The following GLI3 variants were observed in gnomAD, a reference collection of about 807,000 sequenced individuals.
The protein encoded by GLI3 is GLI family zinc finger 3.
In GLI3, 20 loss-of-function variants were observed where a neutral mutation model predicts 100.8. The ratio of observed to expected loss-of-function variants is 0.20; its 90% CI spans 0.14 to 0.29. The LOEUF is 0.29. GLI3 is among the 10% of genes least tolerant of loss of function. The probability of loss-of-function intolerance (pLI) is 1.00; values close to 1 mark genes in which losing one functional copy is unlikely to be tolerated. For missense variants in GLI3, 2,040 were observed against 2,128.5 expected, an observed-to-expected ratio of 0.96 and a Z score of 0.82; for synonymous variants, 938 against 860.5, an observed-to-expected ratio of 1.09 and a Z score of -1.58.
At chr7:42,258,715 C>G (rs1313809961) in intron 1 of GLI3, among the ~76,000 whole-genome samples, 1 of 152,166 alleles carries the variant, frequency 6.6e-6, no homozygotes, top group Non-Finnish European at 1.5e-5. Flanking sequence ...CCTCACATGA[C>G]AGAATGGGTG....
intron 7 of GLI3, among the ~76,000 whole-genome samples, chr7:42,031,208 GT>G: frequency 6.6e-6 from 1 of 152,150 alleles, no homozygotes; most frequent in East Asian, 1.9e-4. Context: ...CAATTAATCT[GT>G]TATTATTTCT....
intron 2 of GLI3, among the ~76,000 whole-genome samples, chr7:42,167,389 G>T (rs558189137): frequency 6.6e-6 from 1 of 152,102 alleles, no homozygotes; most frequent in African/African-American, 2.4e-5. Context: ...TTAATATTTA[G>T]CCCATGCATA....
chr7:42,232,257 G>A (rs531110551), intron 1 of GLI3, among the ~76,000 whole-genome samples: 14 of 152,196 alleles, frequency 9.2e-5, no homozygotes, highest in Non-Finnish European at 1.8e-4. Flanking sequence ...ATGCCAACAC[G>A]GCCCTTAAGA....
intron 3 of GLI3, among the ~76,000 whole-genome samples, chr7:42,108,313 A>C (rs1228120001): frequency 6.6e-6 from 1 of 152,216 alleles, no homozygotes; most frequent in Non-Finnish European, 1.5e-5. Flanking sequence ...AATCCTGATA[A>C]ATTAAAAATG....
chr7:42,144,374 G>A (rs536528653), intron 3 of GLI3, among the ~76,000 whole-genome samples: 51 of 152,106 alleles, frequency 3.4e-4, no homozygotes, highest in African/African-American at 1.2e-3. Context: ...TCAACACCAC[G>A]CCATGTCTGA....
At chr7:42,044,454 G>A (rs547445887) in intron 6 of GLI3, among the ~76,000 whole-genome samples, 44 of 152,220 alleles carry the variant, frequency 2.9e-4, no homozygotes, top group Non-Finnish European at 5.7e-4. Flanking sequence ...TTGTCTATGC[G>A]TCTACATAAG....
chr7:42,040,203 G>C lies in GLI3; in HGVS notation c.863C>G (p.Pro288Arg). Residue 288 changes from proline (P) to arginine (R), a missense_variant, in exon 7 of 15, where the codon CCG (proline) becomes CGG (arginine). Pro to Arg is a moderately radical substitution (Grantham distance 103, BLOSUM62 -2). Around this residue, in one of 5 missense-constraint regions of GLI3, gnomAD observed 603 missense variants for 690.9 expected, o/e 0.87. Transcript: ENST00000395925. Reference sequence around the variant, plus strand: ...TATGGACAGTGTACGTTTTCGGCTCGGCCTGGCTGACAGCCTGGGGCTGGA... The same window carrying C: ...TATGGACAGTGTACGTTTTCGGCTCCGCCTGGCTGACAGCCTGGGGCTGGA... ...RFSSPRLSARPSRKRTLSISP... is the reference protein window; with the variant it reads ...RFSSPRLSARRSRKRTLSISP... 6.2e-7 allele frequency: 1 copy of C among 1,613,880 alleles called. No individual in the cohort carries two copies. The highest frequency in any genetic ancestry group is 1.1e-5 in the South Asian group (1 of 91,072).
intron 13 of GLI3, among the ~76,000 whole-genome samples, chr7:41,968,721 A>AAAGAAGAAAGAAAGAAAG (rs1231304496): frequency 9.7e-6 from 1 of 103,166 alleles, no homozygotes; most frequent in African/African-American, 4.8e-5. Context: ...AAGAAGAAAG[A>AAAGAAGAAAGAAAGAAAG]AAGAAAGAAA....
chr7:41,975,327 A>G (rs999527797), intron 12 of GLI3, among the ~76,000 whole-genome samples: 1 of 152,238 alleles, frequency 6.6e-6, no homozygotes, highest in Admixed American at 6.5e-5. Flanking sequence ...AGTTGCAAAT[A>G]AGAGAGGAAA....
intron 3 of GLI3, among the ~76,000 whole-genome samples, chr7:42,134,602 A>T (rs1053033654): frequency 1.6e-4 from 24 of 152,134 alleles, no homozygotes; most frequent in African/African-American, 5.6e-4. Flanking sequence ...AGGTTTGATA[A>T]ATCAGGTATG....
At chr7:42,221,225 C>G (rs3801236) in intron 2 of GLI3, among the ~76,000 whole-genome samples, 131,757 of 152,158 alleles carry the variant, frequency 0.87, 57,141 homozygotes, top group Middle Eastern at 0.94. Context: ...AGGTCCAAGA[C>G]CAACTCAAGA....
chr7:42,104,403 G>A (rs1204094005), intron 3 of GLI3, among the ~76,000 whole-genome samples: 4 of 152,244 alleles, frequency 2.6e-5, no homozygotes, highest in Non-Finnish European at 4.4e-5. Context: ...CATCTCTACA[G>A]TGGGTAAACA....
chr7:41,969,427 C>T (rs983303595), intron 13 of GLI3, among the ~76,000 whole-genome samples: 1 of 152,188 alleles, frequency 6.6e-6, no homozygotes, highest in Non-Finnish European at 1.5e-5. Context: ...ACTTCTTCTG[C>T]TATCATGGTA....
At position 42,090,272 on chromosome 7, in the gene GLI3, C is replaced by A. The variant is rs1785190109; in HGVS notation, c.368-13415G>T. On this transcript the variant is annotated intron_variant, in intron 3 of 14. Transcript: ENST00000395925. ...GGACATCCCTGTACAGTACTGTTGA[C>A]TTTATAAACACTGTACACTTAGGCT... is the stretch of plus-strand genomic sequence containing the variant. Among the ~76,000 whole-genome samples the A allele has an allele frequency of 2.6e-5, 4 of 152,270 alleles. No homozygotes were observed. The South Asian group carries it at 8.3e-4, about 32-fold the overall frequency.
chr7:42,210,345 C>G (rs59842874), intron 2 of GLI3, among the ~76,000 whole-genome samples: 15 of 125,580 alleles, frequency 1.2e-4, no homozygotes, highest in African/African-American at 2.1e-4. Context: ...AAAGCCCCCC[C>G]CCCCCCCCCA....
intron 3 of GLI3, among the ~76,000 whole-genome samples, chr7:42,134,775 T>G (rs1786385829): frequency 6.6e-6 from 1 of 152,118 alleles, no homozygotes; most frequent in Non-Finnish European, 1.5e-5. Context: ...CGTGAAATTT[T>G]CCCTGCAAGA....
chr7:42,134,302 T>C (rs1380258617), intron 3 of GLI3, among the ~76,000 whole-genome samples: 2 of 152,030 alleles, frequency 1.3e-5, no homozygotes, highest in Non-Finnish European at 2.9e-5. Context: ...CAAATAACTA[T>C]GCATGAGAAG....
At chr7:42,106,380 G>T (rs1240784064) in intron 3 of GLI3, among the ~76,000 whole-genome samples, 1 of 152,194 alleles carries the variant, frequency 6.6e-6, no homozygotes, top group Non-Finnish European at 1.5e-5. Context: ...AATCTAGGCT[G>T]CAAGGTGCTC....
At position 41,965,906 on chromosome 7, in the gene GLI3, T is replaced by C; in HGVS notation, c.3167A>G (p.Gln1056Arg). The C allele has an allele frequency of 6.2e-7, 1 of 1,613,668 alleles. No homozygotes were observed. ...GGGGGACGAGTGGAAGTTTCGGGAC[T>C]GGCCGCCCTCGGGCCGCGTGTAATT... ...LQNYTRPEGG[Q>R]SRNFHSSPCP... The change falls in exon 15 of 15, where the codon CAG becomes CGG. Residue 1056 changes from glutamine to arginine, a missense_variant. Gln to Arg is a conservative substitution (Grantham distance 43). Transcript: ENST00000395925.
Sources: gnomAD v4.1 joint callset for allele counts (sites outside exome capture counted in the v4.1 genomes callset) on GRCh38, gnomAD v4.1.1 for gene constraint, gnomAD v4.1.1 regional missense constraint, MANE v1.5 for transcripts, NCBI Gene and HGNC (gene_info 2026-07-23, HGNC 2026-07-21) for gene names.